The following KCNQ1 variants were observed in gnomAD, a reference collection of about 807,000 sequenced individuals.
KCNQ1 encodes the protein potassium voltage-gated channel subfamily Q member 1.
In KCNQ1, 49 loss-of-function variants were observed where a neutral mutation model predicts 72.4. The observed-to-expected ratio is 0.68, with a 90% CI of 0.54 to 0.86. KCNQ1 has a LOEUF of 0.86. KCNQ1 is among the 40% of genes least tolerant of loss of function. The pLI, the probability that KCNQ1 is intolerant of heterozygous loss-of-function variation, is 0.00. For synonymous variants in KCNQ1, 450 were observed against 412.6 expected (o/e 1.09, Z -1.10); for missense variants, 790 against 945.1 (o/e 0.84, Z 2.15).
chr11:2,816,444 GC>G lies in KCNQ1; in HGVS notation c.1795-31320del, dbSNP rs1341762063. ...TCCAGTGATCTCCTTCTGAGAATCC[GC>G]CCTGGAGCAGTAACACCCTTGGGAC... On this transcript the variant is annotated intron_variant, in intron 15 of 15. Transcript: ENST00000155840. The surrounding 1 kb of genome is among the most constrained non-coding windows in gnomAD (Gnocchi z 6.8). 4.6e-5 allele frequency among the ~76,000 whole-genome samples: 7 copies of G among 152,146 alleles called. No homozygotes were observed. Among genetic ancestry groups the G allele is most frequent in the Admixed American group, 2.0e-4 (3 of 15,284 alleles).
chr11:2,532,743 G>A (rs1393626517), intron 2 of KCNQ1, among the ~76,000 whole-genome samples: 1 of 152,192 alleles, frequency 6.6e-6, no homozygotes, highest in Non-Finnish European at 1.5e-5. Context: ...CAGGCACAGG[G>A]CTGTGGGGAT....
chr11:2,812,032 C>A (rs994466935), intron 15 of KCNQ1, among the ~76,000 whole-genome samples: 2 of 152,118 alleles, frequency 1.3e-5, no homozygotes, highest in African/African-American at 4.8e-5. Flanking sequence ...CTGGCACCGC[C>A]GGCCACCCCT....
At chr11:2,845,095 G>T (rs1164382778) in intron 15 of KCNQ1, among the ~76,000 whole-genome samples, 1 of 152,184 alleles carries the variant, frequency 6.6e-6, no homozygotes, top group Non-Finnish European at 1.5e-5. Context: ...CCCCTACCAG[G>T]CATGAGCAGG....
At chr11:2,718,886 G>A (rs1305678362) in intron 11 of KCNQ1, among the ~76,000 whole-genome samples, 4 of 152,346 alleles carry the variant, frequency 2.6e-5, no homozygotes, top group African/African-American at 9.6e-5. Flanking sequence ...CTTCATGTCT[G>A]CACCCTCCCT....
chr11:2,836,672 G>C (rs1411228826), intron 15 of KCNQ1, among the ~76,000 whole-genome samples: 3 of 152,240 alleles, frequency 2.0e-5, no homozygotes, highest in Non-Finnish European at 1.5e-5. Flanking sequence ...TCTACGTGCA[G>C]CCTCCACAAG....
At chr11:2,743,058 C>T (rs1179069966) in intron 11 of KCNQ1, among the ~76,000 whole-genome samples, 3 of 152,174 alleles carry the variant, frequency 2.0e-5, no homozygotes, top group African/African-American at 4.8e-5. Context: ...TTGGAGAGCT[C>T]CTTGTGAGGA....
intron 1 of KCNQ1, among the ~76,000 whole-genome samples, chr11:2,512,301 T>G (rs1589921069): frequency 6.6e-6 from 1 of 152,180 alleles, no homozygotes; most frequent in Non-Finnish European, 1.5e-5. Flanking sequence ...CCCCTGCCTC[T>G]GCATCCTCCC....
At position 2,734,649 on chromosome 11, in the gene KCNQ1, G is replaced by A. The variant is rs762666439; in HGVS notation, c.1515-34195G>A. Among the ~76,000 whole-genome samples, 4 of 152,036 alleles carry A rather than the reference G, an allele frequency of 2.6e-5. No homozygotes were observed. Among genetic ancestry groups the A allele is most frequent in the South Asian group, 2.1e-4 (1 of 4,814 alleles). ...GGACTGGAGAGTAGGAGCAGGTCTC[G>A]GGGGTAGCTTCCTGAAGAGATGAGT... On this transcript the variant is annotated intron_variant, in intron 11 of 15. Coordinates refer to ENST00000155840, the MANE Select transcript of KCNQ1 (RefSeq NM_000218.3). This position sits in a 1 kb window ranked among gnomAD's most constrained non-coding sequence, Gnocchi z 7.0.
chr11:2,834,881 G>A (rs1397836217), intron 15 of KCNQ1, among the ~76,000 whole-genome samples: 5 of 152,280 alleles, frequency 3.3e-5, no homozygotes, highest in South Asian at 2.1e-4. Flanking sequence ...CCCTCCCCAC[G>A]AGGCTCCTGC....
At chr11:2,802,160 G>A (rs1347473709) in intron 15 of KCNQ1, among the ~76,000 whole-genome samples, 1 of 152,252 alleles carries the variant, frequency 6.6e-6, no homozygotes, top group East Asian at 1.9e-4. Flanking sequence ...GGGTCAGGCA[G>A]GGGGAGGCCA....
At chr11:2,531,746 G>A (rs1388689364) in intron 2 of KCNQ1, among the ~76,000 whole-genome samples, 1 of 152,150 alleles carries the variant, frequency 6.6e-6, no homozygotes, top group Non-Finnish European at 1.5e-5. Flanking sequence ...CCACTGCTTG[G>A]AAGGCAGAGA....
intron 10 of KCNQ1, chr11:2,622,168 T>C (rs1849184181): frequency 2.5e-6 from 1 of 398,278 alleles, no homozygotes; most frequent in African/African-American, 2.1e-5. Flanking sequence ...TCCCTAAGTA[T>C]TATTGTAGAA....
intron 15 of KCNQ1, among the ~76,000 whole-genome samples, chr11:2,799,397 T>TGTG (rs963906040): frequency 7.3e-5 from 11 of 151,664 alleles, no homozygotes; most frequent in Admixed American, 3.3e-4. Flanking sequence ...TGTGTGTGTG[T>TGTG]GTGTGGTGTG....
chr11:2,702,884 G>A (rs183082578), intron 11 of KCNQ1, among the ~76,000 whole-genome samples: 14 of 152,252 alleles, frequency 9.2e-5, no homozygotes, highest in Admixed American at 3.3e-4. Context: ...TCACCCCCTC[G>A]CCACACACGG....
chr11:2,659,101 T>A lies in KCNQ1; in HGVS notation c.1394-2860T>A, dbSNP rs1484118515. On this transcript the variant is annotated intron_variant, in intron 10 of 15. Transcript: ENST00000155840. The surrounding 1 kb of genome is among the most constrained non-coding windows in gnomAD (Gnocchi z 4.3). ...CTTTTCATCGTAGGGTCCTCCAACA[T>A]CCGGGTTAATTTTTTAAATTTGCAT... 9 of 398,508 alleles carry A rather than the reference T, an allele frequency of 2.3e-5. No homozygotes were observed. Among genetic ancestry groups the A allele is most frequent in the Non-Finnish European group, 4.0e-5 (9 of 226,062 alleles). 24.7% of individuals were successfully genotyped at this position (398,508 alleles called of 1,614,324 possible). A position where few individuals can be genotyped will look rare whatever the true frequency, so the allele number is the denominator to read the frequency against.
rs755099971 is a variant in KCNQ1 at position 2,772,032 on chromosome 11, GCTCC to G, written c.1590+3114_1590+3117del. 2.8e-4 allele frequency among the ~76,000 whole-genome samples: 43 copies of G among 152,292 alleles called. No homozygotes were observed. The highest frequency in any genetic ancestry group is 3.4e-3 in the Middle Eastern group (1 of 294). The stretch of plus-strand genomic sequence containing the variant: ...AGCAGGATCCTCGCAGGGCACAGAG[GCTCC>G]TGCACAAAGCCGCTGGGGCTCCCTC... On this transcript the variant is annotated intron_variant, in intron 12 of 15. Coordinates refer to ENST00000155840, the MANE Select transcript of KCNQ1 (RefSeq NM_000218.3). The surrounding 1 kb of genome is among the most constrained non-coding windows in gnomAD (Gnocchi z 6.6).
intron 15 of KCNQ1, among the ~76,000 whole-genome samples, chr11:2,842,353 TAGGAG>T (rs1848231031): frequency 6.6e-6 from 1 of 152,164 alleles, no homozygotes. Context: ...GTCTCCCCAT[TAGGAG>T]AGGACGCCTG....
intron 1 of KCNQ1, chr11:2,461,419 C>G (rs1010010651): frequency 1.6e-6 from 2 of 1,277,142 alleles, no homozygotes; most frequent in Admixed American, 2.3e-5. Flanking sequence ...GTGAGCCGGC[C>G]GGGGCGGGGG....
At chr11:2,454,855 A>G (rs1846164537) in intron 1 of KCNQ1, among the ~76,000 whole-genome samples, 1 of 152,294 alleles carries the variant, frequency 6.6e-6, no homozygotes, top group East Asian at 1.9e-4. Flanking sequence ...TAAGAATAGG[A>G]ACAAGACAAG....
Sources: allele counts gnomAD v4.1 joint callset (sites outside exome capture counted in the v4.1 genomes callset), GRCh38; gene constraint gnomAD v4.1.1; non-coding constraint Gnocchi (gnomAD v3.1); transcripts MANE v1.5; gene names NCBI Gene and HGNC (gene_info 2026-07-23, HGNC 2026-07-21).